Variants in CREB5 observed in about 807,000 individuals in gnomAD.
CREB5 encodes the protein cyclic AMP-responsive element-binding protein 5.
Under a neutral mutation model 57.1 loss-of-function variants are expected in CREB5, and 19 were observed. That is an observed-to-expected ratio of 0.33 (90% confidence interval 0.23 to 0.49). The LOEUF is 0.49. Ranked by LOEUF, CREB5 falls within the 20% of genes least tolerant of loss-of-function variation. The pLI is 0.99. For synonymous variants in CREB5, 238 were observed against 238.3 expected (o/e 1.00, Z 0.01); for missense variants, 579 against 671.6 (o/e 0.86, Z 1.52).
At chr7:28,563,097 G>A (rs534827632) in intron 4 of CREB5, among the ~76,000 whole-genome samples, 1 of 152,188 alleles carries the variant, frequency 6.6e-6, no homozygotes, top group East Asian at 1.9e-4. Flanking sequence ...CTACCTTCTA[G>A]ACTGATGATA....
chr7:28,523,804 T>C (rs867835749), intron 4 of CREB5, among the ~76,000 whole-genome samples: 3 of 152,208 alleles, frequency 2.0e-5, no homozygotes, highest in African/African-American at 2.4e-5. Context: ...CATGAAGCCT[T>C]CTCTGATCTC....
Position 28,819,319 on chromosome 7 carries a change from G to C in CREB5, c.*40G>C. ...CCTGGCCTCCAAGAAGAGCTGTAGC[G>C]TACCATGCGTCCTTTCTTTTAAGGG... On this transcript the variant is annotated 3_prime_UTR_variant, in exon 11 of 11. Transcript: ENST00000357727. 1 of 1,583,190 alleles carries C rather than the reference G, an allele frequency of 6.3e-7. No homozygotes were observed. The highest frequency in any genetic ancestry group is 8.6e-7 in the Non-Finnish European group (1 of 1,164,988).
intron 7 of CREB5, among the ~76,000 whole-genome samples, chr7:28,795,755 C>CTTTTTTTT (rs367853221): frequency 2.9e-5 from 4 of 137,518 alleles, no homozygotes; most frequent in African/African-American, 5.4e-5. Context: ...GTTTTTCTTT[C>CTTTTTTTT]TTTTTTTTTT....
chr7:28,379,296 C>T (rs1421102429), intron 1 of CREB5, among the ~76,000 whole-genome samples: 1 of 152,216 alleles, frequency 6.6e-6, no homozygotes, highest in East Asian at 1.9e-4. Flanking sequence ...ATCTACTACA[C>T]TCATATGTTC....
intron 5 of CREB5, among the ~76,000 whole-genome samples, chr7:28,660,915 A>G (rs2128713246): frequency 6.6e-6 from 1 of 151,542 alleles, no homozygotes; most frequent in South Asian, 2.1e-4. Context: ...TCCCTTAGAC[A>G]CTCTCTGTTG....
chr7:28,656,543 C>G (rs545372328), intron 5 of CREB5, among the ~76,000 whole-genome samples: 1 of 152,214 alleles, frequency 6.6e-6, no homozygotes, highest in Admixed American at 6.5e-5. Flanking sequence ...ATAAATGATC[C>G]AAAGCCTGAA....
intron 1 of CREB5, among the ~76,000 whole-genome samples, chr7:28,351,143 A>G (rs1347928426): frequency 6.6e-6 from 1 of 152,194 alleles, no homozygotes; most frequent in Non-Finnish European, 1.5e-5. Flanking sequence ...CTGGGATGGT[A>G]AGGAGAAACA....
rs1439184114 is a variant in CREB5, at chr7:28,812,662, C to A, written c.1254+3248C>A. 2.6e-5 allele frequency among the ~76,000 whole-genome samples: 4 copies of A among 152,180 alleles called. No individual in the cohort carries two copies. The East Asian group carries it at 5.8e-4, about 22-fold the overall frequency. The stretch of plus-strand genomic sequence containing the variant: ...CTGCTTTGCCTTGGAGGGACAGAAG[C>A]CACAACCACCCAGTGTTCTCTGTGA... On this transcript the variant is annotated intron_variant, in intron 9 of 10. Coordinates refer to ENST00000357727, the MANE Select transcript of CREB5 (RefSeq NM_182898.4).
intron 1 of CREB5, among the ~76,000 whole-genome samples, chr7:28,437,724 T>C (rs554209018): frequency 6.6e-6 from 1 of 152,188 alleles, no homozygotes; most frequent in Admixed American, 6.5e-5. Flanking sequence ...ACAGCTATTA[T>C]TAGTAATCAC....
intron 1 of CREB5, among the ~76,000 whole-genome samples, chr7:28,356,923 C>T (rs1214705728): frequency 1.3e-5 from 2 of 152,272 alleles, no homozygotes; most frequent in East Asian, 3.9e-4. Context: ...AGTGTTATCA[C>T]CATAAAGAAG....
intron 5 of CREB5, among the ~76,000 whole-genome samples, chr7:28,618,582 T>C (rs1326373851): frequency 3.9e-5 from 6 of 152,274 alleles, no homozygotes; most frequent in South Asian, 2.1e-4. Flanking sequence ...TAGGTAATCC[T>C]GCGGGACCAG....
intron 5 of CREB5, among the ~76,000 whole-genome samples, chr7:28,608,246 G>A (rs117941733): frequency 0.012 from 1,887 of 151,914 alleles, 14 homozygotes; most frequent in Middle Eastern, 0.024. Context: ...CCCCTGATAT[G>A]TATCCACAGG....
chr7:28,449,541 A>G (rs1789682900), intron 1 of CREB5, among the ~76,000 whole-genome samples: 1 of 152,160 alleles, frequency 6.6e-6, no homozygotes, highest in South Asian at 2.1e-4. Flanking sequence ...CTGCATAGTT[A>G]CTTCCACATT....
rs186661278 is a variant in CREB5 at position 28,644,944 on chromosome 7, A to G, written c.465-73809A>G. Among the ~76,000 whole-genome samples, 786 of 152,284 alleles carry G rather than the reference A, an allele frequency of 5.2e-3. 7 individuals are homozygous for G. Among genetic ancestry groups the G allele is most frequent in the African/African-American group, 0.018 (755 of 41,560 alleles). ...TGTTTATGCCAATTAGAGGAAAGGC[A>G]TGTGAAGAGGCTCACAGATGGAAAC... On this transcript the variant is annotated intron_variant, in intron 5 of 10. Coordinates refer to ENST00000357727, the MANE Select transcript of CREB5 (RefSeq NM_182898.4).
chr7:28,522,641 G>A (rs936495969), intron 4 of CREB5, among the ~76,000 whole-genome samples: 18 of 151,774 alleles, frequency 1.2e-4, no homozygotes, highest in African/African-American at 3.6e-4. Flanking sequence ...CAAGTGATCC[G>A]CCTGCCTCAG....
chr7:28,755,125 A>C (rs1227410230), intron 7 of CREB5, among the ~76,000 whole-genome samples: 1 of 152,188 alleles, frequency 6.6e-6, no homozygotes, highest in Non-Finnish European at 1.5e-5. Context: ...TATGGGGGTT[A>C]CATGGTCCCT....
At chr7:28,578,025 A>G (rs1158888295) in intron 5 of CREB5, among the ~76,000 whole-genome samples, 2 of 152,234 alleles carry the variant, frequency 1.3e-5, no homozygotes, top group East Asian at 3.8e-4. Flanking sequence ...TGCCAGAGAC[A>G]GTTCTATGGG....
At chr7:28,784,418 G>A (rs1345852369) in intron 7 of CREB5, among the ~76,000 whole-genome samples, 1 of 152,018 alleles carries the variant, frequency 6.6e-6, no homozygotes, top group African/African-American at 2.4e-5. Flanking sequence ...CCACAGCAGG[G>A]GGAAAGTGGA....
At chr7:28,526,942 T>C (rs1793475064) in intron 4 of CREB5, among the ~76,000 whole-genome samples, 1 of 152,250 alleles carries the variant, frequency 6.6e-6, no homozygotes, top group Admixed American at 6.5e-5. Flanking sequence ...TTATTAATCC[T>C]GTGACAGCAG....
Sources: allele counts gnomAD v4.1 joint callset (sites outside exome capture counted in the v4.1 genomes callset), GRCh38; gene constraint gnomAD v4.1.1; transcripts MANE v1.5; gene names NCBI Gene and HGNC (gene_info 2026-07-23, HGNC 2026-07-21).